Variants in DCDC2 observed in about 807,000 individuals in gnomAD.
The protein encoded by DCDC2 is doublecortin domain-containing protein 2.
DCDC2 carries 40 observed loss-of-function variants against 50.2 expected under a neutral mutation model. That is an observed-to-expected ratio of 0.80 (90% confidence interval 0.62 to 1.04). The LOEUF (loss-of-function observed/expected upper bound fraction) is 1.04. DCDC2 is among the 50% of genes least tolerant of loss of function. The pLI is 0.00. For synonymous variants in DCDC2, 234 were observed against 210.6 expected, an observed-to-expected ratio of 1.11 and a Z score of -0.96; for missense variants, 570 against 581.9, an observed-to-expected ratio of 0.98 and a Z score of 0.21.
At chr6:24,217,643 T>C (rs1264527580) in intron 7 of DCDC2, among the ~76,000 whole-genome samples, 1 of 152,054 alleles carries the variant, frequency 6.6e-6, no homozygotes, top group Non-Finnish European at 1.5e-5. Flanking sequence ...TAAATCTGAG[T>C]GAGGGTGTTT....
At chr6:24,371,538 G>A in the DCDC2 span, among the ~76,000 whole-genome samples, 2 of 152,134 alleles carry the variant, frequency 1.3e-5, no homozygotes, top group Non-Finnish European at 2.9e-5. Flanking sequence ...AGACTGGGAG[G>A]CAGAGGTTGC....
At chr6:24,366,441 G>C in the DCDC2 span, among the ~76,000 whole-genome samples, 1 of 152,200 alleles carries the variant, frequency 6.6e-6, no homozygotes, top group Admixed American at 6.5e-5. Context: ...CAAGTTTAGA[G>C]GCCGAGATGA....
rs1760847124 is a variant in DCDC2, at chr6:24,174,093, T to G, written c.*637A>C. The G allele has an allele frequency of 6.6e-6, 1 of 152,204 alleles. No homozygotes were observed. Among genetic ancestry groups the G allele is most frequent in the Non-Finnish European group, 1.5e-5 (1 of 68,050 alleles). 9.4% of individuals were successfully genotyped at this position (152,204 alleles called of 1,614,324 possible). On this transcript the variant is annotated 3_prime_UTR_variant, in exon 10 of 10. Coordinates refer to ENST00000378454, the MANE Select transcript of DCDC2 (RefSeq NM_016356.5). ...CACAAGCATGCAAGCCTGAAAGCAT[T>G]TAAGTGACGGCATGGCGATACTAGT... is the stretch of plus-strand genomic sequence containing the variant.
At chr6:24,335,107 A>G (rs369449442) in intron 2 of DCDC2, among the ~76,000 whole-genome samples, 1 of 152,230 alleles carries the variant, frequency 6.6e-6, no homozygotes, top group Non-Finnish European at 1.5e-5. Flanking sequence ...GTAAACTATC[A>G]GTCATCTCAA....
At position 24,302,059 on chromosome 6, in the gene DCDC2, GA is replaced by G. The variant is rs746353912; in HGVS notation, c.349-16del. The G allele has an allele frequency of 2.8e-5, 44 of 1,589,278 alleles. No homozygotes were observed. The highest frequency in any genetic ancestry group is 6.7e-5 in the East Asian group (3 of 44,704). ...ACTGGTTTTACCTTTAAAAGCAAAGGAAAAAAAATATAAACCACTAAGCTTA... is the reference window on the plus strand; with the variant it reads ...ACTGGTTTTACCTTTAAAAGCAAAGGAAAAAAATATAAACCACTAAGCTTA... On this transcript the variant is annotated splice_polypyrimidine_tract_variant and intron_variant, in intron 2 of 9. Transcript: ENST00000378454.
At chr6:24,381,959 AGAAGGAAG>A in the DCDC2 span, among the ~76,000 whole-genome samples, 126 of 103,704 alleles carry the variant, frequency 1.2e-3, no homozygotes, top group African/African-American at 1.9e-3. Context: ...AAGGAAAGAA[AGAAGGAAG>A]GAAGGAAGGA....
chr6:24,186,492 T>C (rs1393197548), intron 8 of DCDC2, among the ~76,000 whole-genome samples: 1 of 152,142 alleles, frequency 6.6e-6, no homozygotes, highest in Non-Finnish European at 1.5e-5. Context: ...TGCGTGCATG[T>C]GCGCACACAC....
At chr6:24,211,269 A>G (rs1252845080) in intron 7 of DCDC2, among the ~76,000 whole-genome samples, 1 of 152,196 alleles carries the variant, frequency 6.6e-6, no homozygotes, top group African/African-American at 2.4e-5. Flanking sequence ...TGTTGCCCCA[A>G]TCTGGCTACA....
At chr6:24,367,217 A>G in the DCDC2 span, among the ~76,000 whole-genome samples, 1 of 152,266 alleles carries the variant, frequency 6.6e-6, no homozygotes, top group African/African-American at 2.4e-5. Context: ...GGGTAATAAC[A>G]GAAATCCTGG....
At chr6:24,346,712 C>T (rs901521739) in intron 2 of DCDC2, among the ~76,000 whole-genome samples, 10 of 151,524 alleles carry the variant, frequency 6.6e-5, no homozygotes, top group Non-Finnish European at 1.5e-4. Context: ...CGAGATCATA[C>T]CATTGCACTC....
intron 8 of DCDC2, among the ~76,000 whole-genome samples, chr6:24,182,975 C>T (rs182889025): frequency 6.6e-6 from 1 of 152,190 alleles, no homozygotes; most frequent in African/African-American, 2.4e-5. Context: ...TTCAGCCTTA[C>T]AAAGAAAGAA....
chr6:24,209,027 T>G (rs9467076), intron 7 of DCDC2, among the ~76,000 whole-genome samples: 1 of 152,072 alleles, frequency 6.6e-6, no homozygotes, highest in East Asian at 1.9e-4. Context: ...TTAAAATCAT[T>G]TGATGCCAAA....
upstream of DCDC2, among the ~76,000 whole-genome samples, chr6:24,359,444 A>AATATATATT (rs1561789647): frequency 0.066 from 4,471 of 67,690 alleles, 405 homozygotes; most frequent in African/African-American, 0.13. Context: ...TATACTATAT[A>AATATATATT]GTATATATAT....
At position 24,285,398 on chromosome 6, in the gene DCDC2, G is replaced by T. The variant is rs1763579999; in HGVS notation, c.759+3454C>A. ...TATCTAAATGTGTTTTTCTTTTATT[G>T]TCTTTCATATTACTGTGCACTTTTC... is the stretch of plus-strand genomic sequence containing the variant. On this transcript the variant is annotated intron_variant, in intron 6 of 9. Transcript: ENST00000378454. Among the ~76,000 whole-genome samples the T allele has an allele frequency of 1.3e-5, 2 of 152,030 alleles. 1 individual carries two copies. Among genetic ancestry groups the T allele is most frequent in the South Asian group, 4.1e-4 (2 of 4,824 alleles).
At chr6:24,182,699 T>C (rs572763001) in intron 8 of DCDC2, among the ~76,000 whole-genome samples, 2 of 149,808 alleles carry the variant, frequency 1.3e-5, no homozygotes, top group East Asian at 3.9e-4. Context: ...CCTGGGCATT[T>C]TGGGGGATGC....
At chr6:24,195,682 C>G (rs1400194520) in intron 8 of DCDC2, among the ~76,000 whole-genome samples, 1 of 152,166 alleles carries the variant, frequency 6.6e-6, no homozygotes, top group Non-Finnish European at 1.5e-5. Context: ...ATAGCACTCC[C>G]CCAGTTGTTA....
rs536501019 is a variant in DCDC2 at position 24,228,096 on chromosome 6, A to G, written c.923-22994T>C. On this transcript the variant is annotated intron_variant, in intron 7 of 9. Transcript: ENST00000378454. ...CTTTCACAATTTCTACCAAACACACATAGCAGCAGATGAGGTGTGAATTAT... is the reference window on the plus strand; with the variant it reads ...CTTTCACAATTTCTACCAAACACACGTAGCAGCAGATGAGGTGTGAATTAT... 1.2e-4 allele frequency among the ~76,000 whole-genome samples: 18 copies of G among 152,356 alleles called. No individual in the cohort carries two copies. The East Asian group carries it at 3.1e-3, about 26-fold the overall frequency.
chr6:24,205,332 T>C, intron 7 of DCDC2: 1 of 1,514,586 alleles, frequency 6.6e-7, no homozygotes, highest in Non-Finnish European at 8.9e-7. Flanking sequence ...CAGGGTAAAG[T>C]TCTGTCGAAG....
chr6:24,333,556 T>C (rs950445070), intron 2 of DCDC2, among the ~76,000 whole-genome samples: 2 of 152,194 alleles, frequency 1.3e-5, no homozygotes, highest in African/African-American at 4.8e-5. Context: ...TATACATTTG[T>C]CACAACTACC....
Sources: gnomAD v4.1 joint callset for allele counts (sites outside exome capture counted in the v4.1 genomes callset) on GRCh38, gnomAD v4.1.1 for gene constraint, MANE v1.5 for transcripts, NCBI Gene and HGNC (gene_info 2026-07-23, HGNC 2026-07-21) for gene names.